Variants in HSPG2 observed in about 807,000 individuals in gnomAD.
HSPG2 encodes the protein heparan sulfate proteoglycan 2, also known as basement membrane-specific heparan sulfate proteoglycan core protein.
Under a neutral mutation model 526.6 loss-of-function variants are expected in HSPG2, and 278 were observed. That is an observed-to-expected ratio of 0.53 (90% CI 0.48 to 0.58). The LOEUF (loss-of-function observed/expected upper bound fraction) is 0.58. HSPG2 is among the 20% of genes least tolerant of loss of function. The pLI, the probability that HSPG2 is intolerant of heterozygous loss-of-function variation, is 0.00. For missense variants in HSPG2, 5,354 were observed against 6,099.5 expected (o/e 0.88, Z 4.07); for synonymous variants, 2,465 against 2,555.4 (o/e 0.96, Z 1.07).
At chr1:21,908,163 T>G (rs1004118596) in intron 1 of HSPG2, 4 of 832,570 alleles carry the variant, frequency 4.8e-6, no homozygotes, top group Non-Finnish European at 6.2e-6. Context: ...TTAGAAAACA[T>G]GGAGTTGTTC....
intron 21 of HSPG2, 27 bp from the exon 22 acceptor site, chr1:21,876,679 G>T: frequency 6.2e-7 from 1 of 1,614,038 alleles, no homozygotes; most frequent in Non-Finnish European, 8.5e-7. Flanking sequence ...GGAGCTGAAG[G>T]ACAGCCCATG....
intron 64 of HSPG2, among the ~76,000 whole-genome samples, chr1:21,845,741 C>G (rs61519325): frequency 0.022 from 3,395 of 152,266 alleles, 148 homozygotes; most frequent in East Asian, 0.2. Context: ...CTTTTGGGAA[C>G]TCTATAATTA....
Position 21,850,211 on chromosome 1 carries a change from G to A in HSPG2, c.7295-19C>T, listed in dbSNP as rs1572219492. ...CCAAGTGCTGGGGACAGAGGGCAAAGGGTCAATAGCCGGCTAGGAGGTGAG... is the reference window on the plus strand; with the variant it reads ...CCAAGTGCTGGGGACAGAGGGCAAAAGGTCAATAGCCGGCTAGGAGGTGAG... On this transcript the variant is annotated intron_variant, in intron 56 of 96. Transcript: ENST00000374695. 3 of 1,613,264 alleles carry A rather than the reference G, an allele frequency of 1.9e-6. No homozygotes were observed. The highest frequency in any genetic ancestry group is 4.5e-5 in the East Asian group (2 of 44,886).
intron 1 of HSPG2, among the ~76,000 whole-genome samples, chr1:21,931,265 G>T (rs1410098218): frequency 1.3e-5 from 2 of 152,264 alleles, no homozygotes; most frequent in Non-Finnish European, 2.9e-5. Flanking sequence ...CACCAGGCTG[G>T]GCAGTGAGGC....
At chr1:21,928,948 C>T (rs567370546) in intron 1 of HSPG2, among the ~76,000 whole-genome samples, 10 of 151,856 alleles carry the variant, frequency 6.6e-5, no homozygotes, top group East Asian at 1.9e-4. Flanking sequence ...TCAGTAGAGA[C>T]GAGGTTTCTC....
At chr1:21,912,971 C>A (rs1478508021) in intron 1 of HSPG2, among the ~76,000 whole-genome samples, 2 of 149,656 alleles carry the variant, frequency 1.3e-5, no homozygotes, top group South Asian at 2.1e-4. Flanking sequence ...AAGAGTGAGG[C>A]TCTAGCTCAA....
chr1:21,913,411 G>T (rs536246362), intron 1 of HSPG2, among the ~76,000 whole-genome samples: 2 of 152,306 alleles, frequency 1.3e-5, no homozygotes, highest in East Asian at 1.9e-4. Context: ...ACATCCCAGG[G>T]ACTCGGGTTA....
At chr1:21,902,827 C>T (rs1040819983) in intron 1 of HSPG2, among the ~76,000 whole-genome samples, 18 of 152,244 alleles carry the variant, frequency 1.2e-4, no homozygotes, top group South Asian at 2.1e-4. Context: ...GCACTCACCA[C>T]GTTGCCTTGG....
intron 37 of HSPG2, among the ~76,000 whole-genome samples, chr1:21,863,460 G>C (rs1407338368): frequency 6.6e-6 from 1 of 152,094 alleles, no homozygotes; most frequent in Non-Finnish European, 1.5e-5. Flanking sequence ...AGAGATTCAC[G>C]TTTGTGGTAT....
chr1:21,875,243 C>T, intron 25 of HSPG2: 1 of 607,690 alleles, frequency 1.6e-6, no homozygotes, highest in Non-Finnish European at 3.0e-6. Context: ...CCTGGGGTCC[C>T]CAATGACAGG....
chr1:21,835,040 A>C, intron 76 of HSPG2, 95 bp from the exon 77 acceptor site: 1 of 1,377,258 alleles, frequency 7.3e-7, no homozygotes, highest in Non-Finnish European at 1.0e-6. Flanking sequence ...TGAGCACTGA[A>C]GCTCCAGCAT....
At chr1:21,838,708 A>T in intron 74 of HSPG2, 117 bp downstream of exon 74, 1 of 1,091,084 alleles carries the variant, frequency 9.2e-7, no homozygotes, top group South Asian at 1.4e-5. Flanking sequence ...AGGGGAGATG[A>T]GGGCATTCCA....
chr1:21,881,181 G>A (rs1641474705), intron 14 of HSPG2, among the ~76,000 whole-genome samples, 158 bp downstream of exon 14: 1 of 152,254 alleles, frequency 6.6e-6, no homozygotes. Flanking sequence ...GCAGGGGAGA[G>A]GTCCTGCCCT....
rs1478002444 is a variant in HSPG2 at position 21,823,499 on chromosome 1, G to A, written c.13004-11C>T. On this transcript the variant is annotated splice_polypyrimidine_tract_variant and intron_variant, in intron 96 of 96. Transcript: ENST00000374695. Reference sequence around the variant, plus strand: ...CGTCAGGGGCTCCGCCTGCCGGGAGGTGAGAGGACAGGGCCTGTGGGCTCC... The same window carrying A: ...CGTCAGGGGCTCCGCCTGCCGGGAGATGAGAGGACAGGGCCTGTGGGCTCC... 3 of 1,605,984 alleles carry A rather than the reference G, an allele frequency of 1.9e-6. No individual in the cohort carries two copies. The highest frequency in any genetic ancestry group is 1.1e-5 in the South Asian group (1 of 90,760).
chr1:21,854,595 C>T lies in HSPG2; in HGVS notation c.6288+16G>A, dbSNP rs937637901. ...TGCACCCTGGGTCCCCTGCCATAGG[C>T]TCAGGGCCCACATACCTGGGTGTGG... is the stretch of plus-strand genomic sequence containing the variant. On this transcript the variant is annotated intron_variant, in intron 49 of 96. Coordinates refer to ENST00000374695, the MANE Select transcript of HSPG2 (RefSeq NM_005529.7). 1 of 1,551,838 alleles carries T rather than the reference C, an allele frequency of 6.4e-7. No individual in the cohort carries two copies. Among genetic ancestry groups the T allele is most frequent in the Non-Finnish European group, 8.7e-7 (1 of 1,145,790 alleles).
chr1:21,877,241 A>C (rs1641149168), intron 21 of HSPG2, among the ~76,000 whole-genome samples: 1 of 152,072 alleles, frequency 6.6e-6, no homozygotes, highest in South Asian at 2.1e-4. Context: ...GATTGAAATA[A>C]TTGCTGCTTC....
chr1:21,912,533 A>G (rs146712208), intron 1 of HSPG2, among the ~76,000 whole-genome samples: 148 of 152,332 alleles, frequency 9.7e-4, no homozygotes, highest in Non-Finnish European at 1.8e-3. Context: ...AGATGGGGAA[A>G]CCAAATCCCA....
Position 21,859,572 on chromosome 1 carries a change from CCAG to C in HSPG2, c.5284_5286del (p.Leu1762del), listed in dbSNP as rs1557734064. The C allele has an allele frequency of 6.3e-7, 1 of 1,593,892 alleles. No individual in the cohort carries two copies. Among genetic ancestry groups the C allele is most frequent in the Non-Finnish European group, 8.5e-7 (1 of 1,169,636 alleles). ...AGGGGGCGTAGGGACTCACCAGTGACCAGCAGCTCTGCCCGGCTGGTATTGGAT... is the reference window on the plus strand; with the variant it reads ...AGGGGGCGTAGGGACTCACCAGTGACCAGCTCTGCCCGGCTGGTATTGGAT... On this transcript the variant is annotated inframe_deletion, in exon 42 of 97. Transcript: ENST00000374695. The surrounding 1 kb of genome is among the most constrained non-coding windows in gnomAD (Gnocchi z 5.3).
chr1:21,893,037 G>A lies in HSPG2; in HGVS notation c.245-2343C>T, dbSNP rs2152769392. Among the ~76,000 whole-genome samples, 1 of 152,216 alleles carries A rather than the reference G, an allele frequency of 6.6e-6. No homozygotes were observed. The highest frequency in any genetic ancestry group is 2.4e-5 in the African/African-American group (1 of 41,544). The stretch of plus-strand genomic sequence containing the variant: ...CCCTTGGAGCCAGAGGCCGGGAGAG[G>A]GAGACAGCTGCCCTGCACTCAGGGT... On this transcript the variant is annotated intron_variant, in intron 3 of 96. Transcript: ENST00000374695. This position sits in a 1 kb window ranked among gnomAD's most constrained non-coding sequence, Gnocchi z 4.3.
Sources: allele counts gnomAD v4.1 joint callset (sites outside exome capture counted in the v4.1 genomes callset), GRCh38; gene constraint gnomAD v4.1.1; non-coding constraint Gnocchi (gnomAD v3.1); transcripts MANE v1.5; gene names NCBI Gene and HGNC (gene_info 2026-07-23, HGNC 2026-07-21).